Variants in WDR27 observed in about 807,000 individuals in gnomAD.
WDR27 encodes WD repeat-containing protein 27.
A neutral mutation model predicts 114.4 loss-of-function variants in WDR27; 100 were observed. The observed-to-expected ratio is 0.87, with a 90% CI of 0.74 to 1.03. The LOEUF (loss-of-function observed/expected upper bound fraction) is 1.03. Ranked by LOEUF, WDR27 falls within the 50% of genes least tolerant of loss-of-function variation. WDR27 has a pLI of 0.00. For missense variants in WDR27, 1,129 were observed against 1,092.9 expected, an observed-to-expected ratio of 1.03 and a Z score of -0.47; for synonymous variants, 449 against 423.1, an observed-to-expected ratio of 1.06 and a Z score of -0.75.
At chr6:169,429,794 A>G in the WDR27 span, among the ~76,000 whole-genome samples, 2 of 152,200 alleles carry the variant, frequency 1.3e-5, no homozygotes, top group South Asian at 2.1e-4. Flanking sequence ...TGCATTTTTA[A>G]TTTTCCAGGT....
intron 1 of WDR27, among the ~76,000 whole-genome samples, chr6:169,696,461 C>G (rs369298017): frequency 3.9e-5 from 6 of 152,212 alleles, no homozygotes; most frequent in South Asian, 2.1e-4. Flanking sequence ...CCCAAACGTG[C>G]ACACACATGT....
intron 13 of WDR27, 90 bp downstream of exon 13, chr6:169,658,186 A>G (rs1385680025): frequency 1.9e-5 from 19 of 1,017,234 alleles, no homozygotes; most frequent in South Asian, 5.6e-5. Context: ...ATATTTTAAC[A>G]TAAGAATTCG....
At chr6:169,497,834 A>G (rs895832758) in intron 25 of WDR27, among the ~76,000 whole-genome samples, 8 of 152,202 alleles carry the variant, frequency 5.3e-5, no homozygotes, top group Non-Finnish European at 1.2e-4. Context: ...TGTGGAAAAC[A>G]GCATGGCATT....
At chr6:169,699,174 G>C (rs1194272394) in intron 1 of WDR27, among the ~76,000 whole-genome samples, 1 of 152,194 alleles carries the variant, frequency 6.6e-6, no homozygotes, top group Non-Finnish European at 1.5e-5. Flanking sequence ...AATTGGACTA[G>C]AGAACTGGCT....
chr6:169,662,453 A>C, intron 8 of WDR27, 29 bp from the exon 9 acceptor site: 5 of 1,609,710 alleles, frequency 3.1e-6, no homozygotes, highest in Non-Finnish European at 4.2e-6. Flanking sequence ...AGAATCTAAG[A>C]AGTGAACTTA....
At chr6:169,602,843 CT>C (rs1356234715) in intron 22 of WDR27, among the ~76,000 whole-genome samples, 7 of 142,200 alleles carry the variant, frequency 4.9e-5, no homozygotes, top group South Asian at 2.3e-4. Flanking sequence ...TTTTTTTTTT[CT>C]TTTTTTTTTT....
At chr6:169,455,681 C>G (rs2115237174), downstream of WDR27, among the ~76,000 whole-genome samples, 1 of 152,326 alleles carries the variant, frequency 6.6e-6, no homozygotes, top group South Asian at 2.1e-4. Flanking sequence ...AGAGGCCACA[C>G]CAGAGCCCTG....
At chr6:169,676,699 G>C (rs1256149401) in intron 2 of WDR27, among the ~76,000 whole-genome samples, 2 of 152,282 alleles carry the variant, frequency 1.3e-5, no homozygotes, top group East Asian at 3.9e-4. Context: ...CTTCTATTGA[G>C]TCTAGGTCTT....
chr6:169,561,156 C>T (rs1288452872), intron 25 of WDR27, among the ~76,000 whole-genome samples: 1 of 152,124 alleles, frequency 6.6e-6, no homozygotes, highest in Admixed American at 6.6e-5. Context: ...GATGAAGGTG[C>T]TGGCAGTGCC....
chr6:169,643,591 G>T, intron 17 of WDR27, 106 bp downstream of exon 17: 1 of 862,340 alleles, frequency 1.2e-6, no homozygotes, highest in Non-Finnish European at 1.8e-6. Context: ...GCTTTGGTTT[G>T]CTGATGTCCT....
intron 21 of WDR27, among the ~76,000 whole-genome samples, chr6:169,623,265 T>G (rs1042107371): frequency 3.9e-5 from 6 of 152,148 alleles, no homozygotes; most frequent in Non-Finnish European, 7.3e-5. Flanking sequence ...ACCTCTGACC[T>G]GACCAATCAG....
intron 3 of WDR27, 71 bp downstream of exon 3, chr6:169,672,184 T>C: frequency 6.5e-7 from 1 of 1,527,300 alleles, no homozygotes; most frequent in South Asian, 1.2e-5. Flanking sequence ...CCTTGGGTGG[T>C]ACCAAGTATA....
chr6:169,522,815 T>G (rs1249140876), intron 25 of WDR27, among the ~76,000 whole-genome samples: 1 of 151,872 alleles, frequency 6.6e-6, no homozygotes, highest in African/African-American at 2.4e-5. Flanking sequence ...AAAATAGTAC[T>G]AAGAGGGAAG....
chr6:169,582,719 C>T (rs1803710240), intron 24 of WDR27, 117 bp downstream of exon 24: 2 of 702,564 alleles, frequency 2.8e-6, no homozygotes, highest in Admixed American at 2.8e-5. Context: ...TCAGTGAACA[C>T]TGGCATGTAA....
In WDR27 at chr6:169,667,164, T is replaced by C. The variant is rs750781465; in HGVS notation, c.684A>G (p.Ser228=). The C allele has an allele frequency of 3.3e-6, 5 of 1,534,026 alleles. No individual in the cohort carries two copies. In the South Asian group the frequency reaches 6.5e-5, roughly 20 times the overall value. The change falls in exon 6 of 26, where the codon TCA becomes TCG. Residue 228 remains serine (S), a synonymous_variant. Transcript: ENST00000448612. Reference sequence around the variant, plus strand: ...ATAACACAGATGAACTGTATATTAATGATCCTGTACAATGGTCCCAGACCT... The same window carrying C: ...ATAACACAGATGAACTGTATATTAACGATCCTGTACAATGGTCCCAGACCT... ...GFKVWDHCTG[S]LIYSSSVLSA...
chr6:169,613,072 T>C (rs1649107987), intron 22 of WDR27, among the ~76,000 whole-genome samples: 1 of 152,256 alleles, frequency 6.6e-6, no homozygotes, highest in Admixed American at 6.5e-5. Context: ...CTACAAAGCA[T>C]CTAAAATATA....
chr6:169,526,875 T>C (rs1795026011), intron 25 of WDR27, among the ~76,000 whole-genome samples: 2 of 152,136 alleles, frequency 1.3e-5, no homozygotes, highest in South Asian at 4.1e-4. Context: ...CCAAAGAAGA[T>C]ATGCAGATAG....
intron 23 of WDR27, among the ~76,000 whole-genome samples, chr6:169,583,335 TC>T: frequency 6.7e-6 from 1 of 148,558 alleles, no homozygotes; most frequent in East Asian, 2.0e-4. Context: ...TCTATTGTCC[TC>T]CCCCATAAAC....
At chr6:169,614,520 T>A (rs1004739126) in intron 21 of WDR27, among the ~76,000 whole-genome samples, 9 of 151,938 alleles carry the variant, frequency 5.9e-5, no homozygotes, top group African/African-American at 2.2e-4. Context: ...AAATCCCGTC[T>A]CTATAAAAAT....
Sources: gnomAD v4.1 joint callset for allele counts (sites outside exome capture counted in the v4.1 genomes callset) on GRCh38, gnomAD v4.1.1 for gene constraint, MANE v1.5 for transcripts, NCBI Gene and HGNC (gene_info 2026-07-23, HGNC 2026-07-21) for gene names.